The following PLS1 variants were observed in gnomAD, a reference collection of about 807,000 sequenced individuals.
PLS1 encodes the protein plastin-1.
PLS1 carries 32 observed loss-of-function variants against 73.7 expected under a neutral mutation model. The ratio of observed to expected loss-of-function variants is 0.43; its 90% confidence interval spans 0.33 to 0.58. The LOEUF is 0.58. Among genes scored for constraint, PLS1 ranks in the 20% least tolerant of loss-of-function variants. The pLI, the probability that PLS1 is intolerant of heterozygous loss-of-function variation, is 0.04. For synonymous variants in PLS1, 217 were observed against 261.3 expected, an observed-to-expected ratio of 0.83 and a Z score of 1.63; for missense variants, 633 against 740.5, an observed-to-expected ratio of 0.85 and a Z score of 1.68.
rs754490210 is a variant in PLS1, at chr3:142,684,178, T to A, written c.745+7T>A. ...GAGATTTCCAGGAATGAAGGTAAGATCATTAGAAATATTTGCTGTTCATTG... is the reference window on the plus strand; with the variant it reads ...GAGATTTCCAGGAATGAAGGTAAGAACATTAGAAATATTTGCTGTTCATTG... On this transcript the variant is annotated splice_region_variant and intron_variant, in intron 7 of 15. Coordinates refer to ENST00000457734, the MANE Select transcript of PLS1 (RefSeq NM_001145319.2). 2 of 1,613,900 alleles carry A rather than the reference T, an allele frequency of 1.2e-6. No individual in the cohort carries two copies. Among genetic ancestry groups the A allele is most frequent in the South Asian group, 2.2e-5 (2 of 91,072 alleles).
At chr3:142,703,785 T>C (rs183750711) in intron 12 of PLS1, 83 bp from the exon 13 acceptor site, 134 of 828,776 alleles carry the variant, frequency 1.6e-4, no homozygotes, top group Non-Finnish European at 1.6e-5. Flanking sequence ...ATAATTGTTT[T>C]TCAGATGGCT....
rs2037919588 is a variant in PLS1 at position 142,684,339 on chromosome 3, T to C, written c.832T>C (p.Tyr278His). ...GGAATTACTGCTGCGATGGGTGAAC[T>C]ACCATCTGACCAATGCAGGATGGCA... ...PEELLLRWVN[Y>H]HLTNAGWHTI... The change falls in exon 8 of 16, where the codon TAC (tyrosine) becomes CAC (histidine). Residue 278 changes from tyrosine to histidine, a missense_variant. By Grantham distance (83) the Tyr-to-His change is moderately conservative. Coordinates refer to ENST00000457734, the MANE Select transcript of PLS1 (RefSeq NM_001145319.2). The C allele has an allele frequency of 6.2e-7, 1 of 1,613,114 alleles. No homozygotes were observed. Among genetic ancestry groups the C allele is most frequent in the Non-Finnish European group, 8.5e-7 (1 of 1,179,110 alleles).
chr3:142,683,857 T>A, intron 6 of PLS1, 149 bp from the exon 7 acceptor site: 1 of 586,908 alleles, frequency 1.7e-6, no homozygotes, highest in Middle Eastern at 4.6e-4. Context: ...AACCATGTGT[T>A]TTTTTTTTTG....
At chr3:142,597,870 GT>G (rs1198978477) in intron 1 of PLS1, among the ~76,000 whole-genome samples, 4 of 152,246 alleles carry the variant, frequency 2.6e-5, no homozygotes, top group Admixed American at 2.6e-4. Context: ...AAAATTAGTT[GT>G]TTCTCTTACT....
intron 14 of PLS1, among the ~76,000 whole-genome samples, chr3:142,708,026 C>T (rs979814826): frequency 2.0e-5 from 3 of 152,018 alleles, no homozygotes; most frequent in Admixed American, 6.6e-5. Context: ...AATTAATAAT[C>T]CCTCTCTACT....
intron 12 of PLS1, among the ~76,000 whole-genome samples, chr3:142,703,289 ATTTTTTT>A (rs56392615): frequency 1.9e-5 from 2 of 105,070 alleles, no homozygotes; most frequent in African/African-American, 3.6e-5. Flanking sequence ...ATAGTCAAGA[ATTTTTTT>A]TTTTTTTTTT....
rs78034570 is a variant in PLS1 at position 142,709,852 on chromosome 3, A to G, written c.1630-1649A>G. On this transcript the variant is annotated intron_variant, in intron 14 of 15. Transcript: ENST00000457734. Reference sequence around the variant, plus strand: ...AAAAAATTAATAAATGAAGTGGCTCATAGATTGTGGCTCAAAGAAGCTGTT... The same window carrying G: ...AAAAAATTAATAAATGAAGTGGCTCGTAGATTGTGGCTCAAAGAAGCTGTT... 2.9e-3 allele frequency among the ~76,000 whole-genome samples: 438 copies of G among 151,864 alleles called. 5 individuals are homozygous for G. The East Asian group carries it at 0.04, about 14-fold the overall frequency.
intron 4 of PLS1, 127 bp from the exon 5 acceptor site, chr3:142,676,030 A>G: frequency 1.3e-6 from 1 of 748,486 alleles, no homozygotes. Flanking sequence ...ATTTGTAATA[A>G]TGGTCAATTA....
intron 1 of PLS1, among the ~76,000 whole-genome samples, chr3:142,613,357 G>T (rs562991983): frequency 6.6e-6 from 1 of 152,138 alleles, no homozygotes; most frequent in South Asian, 2.1e-4. Context: ...GCTCAAGCCT[G>T]TAACCCCAGC....
intron 1 of PLS1, among the ~76,000 whole-genome samples, chr3:142,628,500 G>A (rs1465343544): frequency 3.3e-5 from 5 of 150,970 alleles, no homozygotes; most frequent in Non-Finnish European, 5.9e-5. Flanking sequence ...TCTATAATAT[G>A]TAATATTCAG....
intron 1 of PLS1, among the ~76,000 whole-genome samples, chr3:142,619,046 A>G (rs1382056734): frequency 6.6e-6 from 1 of 152,204 alleles, no homozygotes; most frequent in Non-Finnish European, 1.5e-5. Context: ...GCAGGGCTCC[A>G]AGCATTCATG....
At position 142,671,019 on chromosome 3, in the gene PLS1, T is replaced by C. The variant is rs1214631567; in HGVS notation, c.261T>C (p.Asp87=). 6.2e-7 allele frequency: 1 copy of C among 1,600,256 alleles called. No homozygotes were observed. The highest frequency in any genetic ancestry group is 1.3e-5 in the African/African-American group (1 of 74,588). The stretch of plus-strand genomic sequence containing the variant: ...TAATGCAAGAATTAAAAAGCAAAGA[T>C]ATCAGCAAAACATTCCGAAAAATAA... The part of the protein sequence containing the change: ...VSLMQELKSK[D]ISKTFRKIIN... The change falls in exon 4 of 16, where the codon GAT becomes GAC. Residue 87 remains aspartate, a synonymous_variant. Coordinates refer to ENST00000457734, the MANE Select transcript of PLS1 (RefSeq NM_001145319.2).
At chr3:142,630,763 A>T (rs1292711496) in intron 1 of PLS1, among the ~76,000 whole-genome samples, 1 of 152,128 alleles carries the variant, frequency 6.6e-6, no homozygotes, top group East Asian at 1.9e-4. Context: ...AAAAAGAAAA[A>T]AAAGAAAATC....
chr3:142,618,698 C>T (rs1323016997), intron 1 of PLS1, among the ~76,000 whole-genome samples: 3 of 152,120 alleles, frequency 2.0e-5, no homozygotes, highest in South Asian at 2.1e-4. Context: ...TCATAGCCAG[C>T]GACAGTCGGT....
chr3:142,630,572 G>A lies in PLS1; in HGVS notation c.-36-33630G>A, dbSNP rs570719996. 2.0e-5 allele frequency among the ~76,000 whole-genome samples: 3 copies of A among 152,028 alleles called. No homozygotes were observed. The South Asian group carries it at 6.2e-4, about 32-fold the overall frequency. On this transcript the variant is annotated intron_variant, in intron 1 of 15. Transcript: ENST00000457734. ...TCGAGACCAGCCTGGCCAACATGGT[G>A]AAACTCCATCTCTACTAAAATTACA...
In PLS1 at chr3:142,600,895, TA is replaced by T. The variant is rs1560024347; in HGVS notation, c.-37+4387del. ...CTGGTTTCATATATATATATATATA[TA>T]TATATATATATATATATATATTTTT... On this transcript the variant is annotated intron_variant, in intron 1 of 15. Transcript: ENST00000457734. Among the ~76,000 whole-genome samples, 177 of 29,450 alleles carry T rather than the reference TA, an allele frequency of 6.0e-3. 7 individuals carry two copies. Among genetic ancestry groups the T allele is most frequent in the African/African-American group, 0.025 (153 of 6,122 alleles). 19.3% of individuals were successfully genotyped at this position (29,450 alleles called of 152,430 possible).
At chr3:142,612,995 A>C (rs1411385304) in intron 1 of PLS1, among the ~76,000 whole-genome samples, 1 of 151,960 alleles carries the variant, frequency 6.6e-6, no homozygotes, top group South Asian at 2.1e-4. Context: ...CGAACTCCCA[A>C]CCTCAGGTGA....
intron 1 of PLS1, among the ~76,000 whole-genome samples, chr3:142,652,390 T>C (rs976440513): frequency 1.3e-5 from 2 of 152,202 alleles, no homozygotes; most frequent in African/African-American, 4.8e-5. Flanking sequence ...TTTGCACCTT[T>C]TATATATACT....
chr3:142,639,843 A>AT (rs1182559621), intron 1 of PLS1, among the ~76,000 whole-genome samples: 9 of 152,058 alleles, frequency 5.9e-5, no homozygotes, highest in Non-Finnish European at 1.0e-4. Flanking sequence ...TAAATCTAAT[A>AT]TTTTTTTCTA....
Sources: gnomAD v4.1 joint callset for allele counts (sites outside exome capture counted in the v4.1 genomes callset) on GRCh38, gnomAD v4.1.1 for gene constraint, MANE v1.5 for transcripts, NCBI Gene and HGNC (gene_info 2026-07-23, HGNC 2026-07-21) for gene names.